MINDY4: variants seen among roughly 807,000 people sequenced by gnomAD.
MINDY4 encodes MINDY lysine 48 deubiquitinase 4.
MINDY4 carries 68 observed loss-of-function variants against 87.0 expected under a neutral mutation model. The observed-to-expected ratio is 0.78, with a 90% confidence interval of 0.64 to 0.96. The LOEUF (loss-of-function observed/expected upper bound fraction) is 0.96. Ranked by LOEUF, MINDY4 falls within the 40% of genes least tolerant of loss-of-function variation. The probability of loss-of-function intolerance (pLI) is 0.00; values close to 1 mark genes in which losing one functional copy is unlikely to be tolerated. For synonymous variants in MINDY4, 379 were observed against 363.2 expected, an observed-to-expected ratio of 1.04 and a Z score of -0.50; for missense variants, 919 against 928.2, an observed-to-expected ratio of 0.99 and a Z score of 0.13.
At chr7:30,822,535 A>G (rs1279496348) in intron 5 of MINDY4, among the ~76,000 whole-genome samples, 2 of 152,060 alleles carry the variant, frequency 1.3e-5, no homozygotes, top group South Asian at 2.1e-4. Flanking sequence ...ATCTTTCTCA[A>G]GTGTTCCCCA....
intron 4 of MINDY4, among the ~76,000 whole-genome samples, chr7:30,789,712 C>T (rs1787264134): frequency 6.6e-6 from 1 of 152,150 alleles, no homozygotes; most frequent in African/African-American, 2.4e-5. Context: ...TTCCTTATTC[C>T]AGTCCAGGCT....
chr7:30,828,242 GGA>G (rs1788576003), intron 5 of MINDY4, among the ~76,000 whole-genome samples: 1 of 152,130 alleles, frequency 6.6e-6, no homozygotes, highest in African/African-American at 2.4e-5. Context: ...AAGAAAGCTA[GGA>G]GAGAGGAAAC....
At chr7:30,805,872 G>A (rs1220140169) in intron 5 of MINDY4, among the ~76,000 whole-genome samples, 2 of 152,188 alleles carry the variant, frequency 1.3e-5, no homozygotes, top group Non-Finnish European at 2.9e-5. Flanking sequence ...AGAGATTTGT[G>A]CATGTTTGTG....
Position 30,771,450 on chromosome 7 carries a change from T to A in MINDY4, c.-44T>A. On this transcript the variant is annotated 5_prime_UTR_variant, in exon 1 of 18. Coordinates refer to ENST00000265299, the MANE Select transcript of MINDY4 (RefSeq NM_032222.3). ...CCGGACAGACCCAGTTGCCTGGTGC[T>A]GCGGCCCGGCGTGGGCCTCGTGGGC... The A allele has an allele frequency of 6.3e-7, 1 of 1,581,176 alleles. No homozygotes were observed. The highest frequency in any genetic ancestry group is 8.6e-7 in the Non-Finnish European group (1 of 1,164,538).
At chr7:30,775,050 T>A (rs1298617618) in intron 1 of MINDY4, among the ~76,000 whole-genome samples, 1 of 152,118 alleles carries the variant, frequency 6.6e-6, no homozygotes, top group East Asian at 1.9e-4. Flanking sequence ...CTGATAGTGT[T>A]TCTGCTCACA....
At chr7:30,823,216 CT>C (rs1363749207) in intron 5 of MINDY4, among the ~76,000 whole-genome samples, 1 of 151,988 alleles carries the variant, frequency 6.6e-6, no homozygotes, top group Non-Finnish European at 1.5e-5. Flanking sequence ...GTAAAGATAA[CT>C]TTCCCTTTTG....
intron 10 of MINDY4, among the ~76,000 whole-genome samples, chr7:30,851,823 G>T (rs948496751): frequency 1.3e-5 from 2 of 152,196 alleles, no homozygotes; most frequent in African/African-American, 4.8e-5. Flanking sequence ...CCCAGGGGGA[G>T]CCTCGGAGAG....
At chr7:30,827,612 T>C (rs1788551384) in intron 5 of MINDY4, among the ~76,000 whole-genome samples, 1 of 152,262 alleles carries the variant, frequency 6.6e-6, no homozygotes, top group East Asian at 1.9e-4. Context: ...GGCAAATGAC[T>C]TGACTGAGTT....
At chr7:30,782,328 CTGTGTGTGTATGTTTGTGTGTGTG>C (rs1787029547) in intron 3 of MINDY4, 116 bp downstream of exon 3, 1 of 753,766 alleles carries the variant, frequency 1.3e-6, no homozygotes, top group African/African-American at 2.0e-5. Context: ...AATATAGTCT[CTGTGTGTGTATGTTTGTGTGTGTG>C]TGTGTGTGTG....
At position 30,853,503 on chromosome 7, in the gene MINDY4, C is replaced by A. The variant is rs367591607; in HGVS notation, c.1677+44C>A. On this transcript the variant is annotated intron_variant, in intron 12 of 17. Coordinates refer to ENST00000265299, the MANE Select transcript of MINDY4 (RefSeq NM_032222.3). ...TCCTGTGGGATGTGCGTCACTAAGC[C>A]TTCTGATTTCACTGTGGGAACAATG... is the stretch of plus-strand genomic sequence containing the variant. The A allele has an allele frequency of 8.8e-5, 130 of 1,480,444 alleles. No individual in the cohort carries two copies. The African/African-American group carries it at 1.4e-3, about 16-fold the overall frequency. The allele number at this position is 1,480,444 out of a possible 1,614,324, so 91.7% of individuals were successfully genotyped here.
intron 9 of MINDY4, among the ~76,000 whole-genome samples, chr7:30,841,210 C>A (rs1789025672): frequency 6.6e-6 from 1 of 152,236 alleles, no homozygotes; most frequent in South Asian, 2.1e-4. Context: ...CCTCCCCACG[C>A]TATCTCCCCT....
intron 2 of MINDY4, chr7:30,780,331 C>T (rs1044930965): frequency 3.9e-5 from 6 of 152,312 alleles, no homozygotes; most frequent in African/African-American, 1.4e-4. Flanking sequence ...GTTAACCATT[C>T]TGGTTACATT....
intron 17 of MINDY4, among the ~76,000 whole-genome samples, chr7:30,884,609 C>T (rs1199427523): frequency 2.0e-5 from 3 of 152,312 alleles, no homozygotes; most frequent in East Asian, 3.9e-4. Flanking sequence ...ACTCCTGGGA[C>T]CCTCTCTGAA....
At position 30,892,278 on chromosome 7, in the gene MINDY4, C is replaced by A; in HGVS notation, c.*273C>A. On this transcript the variant is annotated 3_prime_UTR_variant, in exon 18 of 18. Coordinates refer to ENST00000265299, the MANE Select transcript of MINDY4 (RefSeq NM_032222.3). Reference sequence around the variant, plus strand: ...GGGTCTCTGCTACCTTTGTCTGCATCCCTCCCTTGCTCCCTGCTGGGTGGT... The same window carrying A: ...GGGTCTCTGCTACCTTTGTCTGCATACCTCCCTTGCTCCCTGCTGGGTGGT... The A allele has an allele frequency of 2.2e-6, 1 of 461,376 alleles. No homozygotes were observed. The highest frequency in any genetic ancestry group is 3.9e-6 in the Non-Finnish European group (1 of 257,590). 28.6% of individuals were successfully genotyped at this position (461,376 alleles called of 1,614,324 possible).
intron 9 of MINDY4, among the ~76,000 whole-genome samples, chr7:30,847,609 A>G (rs1789263316): frequency 6.6e-6 from 1 of 152,256 alleles, no homozygotes; most frequent in Admixed American, 6.5e-5. Flanking sequence ...CAAAGAGGAT[A>G]TAATGGTACC....
At chr7:30,776,663 G>A (rs1377964869) in intron 1 of MINDY4, among the ~76,000 whole-genome samples, 1 of 152,214 alleles carries the variant, frequency 6.6e-6, no homozygotes, top group Non-Finnish European at 1.5e-5. Flanking sequence ...ACAGGAGTGA[G>A]CATGTGGATG....
At chr7:30,789,136 C>T (rs895795540) in intron 4 of MINDY4, among the ~76,000 whole-genome samples, 19 of 146,928 alleles carry the variant, frequency 1.3e-4, no homozygotes, top group Non-Finnish European at 1.0e-4. Flanking sequence ...GATCTGGGGA[C>T]TCTTAGGGGT....
At chr7:30,812,310 AAAGT>A (rs1219548052) in intron 5 of MINDY4, among the ~76,000 whole-genome samples, 11 of 152,282 alleles carry the variant, frequency 7.2e-5, no homozygotes, top group Admixed American at 2.0e-4. Context: ...AGAGAAAAAA[AAAGT>A]AAGGCAAATG....
At chr7:30,778,192 T>C (rs1396744164) in intron 1 of MINDY4, among the ~76,000 whole-genome samples, 2 of 152,258 alleles carry the variant, frequency 1.3e-5, no homozygotes, top group Non-Finnish European at 2.9e-5. Flanking sequence ...CCAGGACTCC[T>C]GTGCGCGAGT....
Sources: allele counts gnomAD v4.1 joint callset (sites outside exome capture counted in the v4.1 genomes callset), GRCh38; gene constraint gnomAD v4.1.1; transcripts MANE v1.5; gene names NCBI Gene and HGNC (gene_info 2026-07-23, HGNC 2026-07-21).